The following MFHAS1 variants were observed in gnomAD, a reference collection of about 807,000 sequenced individuals.
MFHAS1 encodes the protein malignant fibrous histiocytoma-amplified sequence 1.
Under a neutral mutation model 70.4 loss-of-function variants are expected in MFHAS1, and 50 were observed. The observed-to-expected ratio is 0.71, with a 90% CI of 0.57 to 0.90. The LOEUF is 0.90. MFHAS1 is among the 40% of genes least tolerant of loss of function. MFHAS1 has a pLI of 0.00. For synonymous variants in MFHAS1, 952 were observed against 620.0 expected (o/e 1.54, Z -7.96); for missense variants, 1,795 against 1,347.6 (o/e 1.33, Z -5.20).
At chr8:8,826,229 C>G (rs1807154509) in intron 1 of MFHAS1, among the ~76,000 whole-genome samples, 1 of 146,660 alleles carries the variant, frequency 6.8e-6, no homozygotes, top group South Asian at 2.3e-4. Context: ...TCCAGAAATA[C>G]TGCATGCAAA....
At chr8:8,797,207 T>C (rs1390022627) in intron 2 of MFHAS1, among the ~76,000 whole-genome samples, 158 bp downstream of exon 2, 1 of 151,668 alleles carries the variant, frequency 6.6e-6, no homozygotes, top group Non-Finnish European at 1.5e-5. Flanking sequence ...TTTTGCTGCA[T>C]AAATCATGAT....
chr8:8,832,240 A>T (rs1397971172), intron 1 of MFHAS1, among the ~76,000 whole-genome samples: 3 of 152,074 alleles, frequency 2.0e-5, no homozygotes, highest in African/African-American at 7.2e-5. Context: ...GAAATGTTGA[A>T]CTCTTGCTCT....
At chr8:8,819,608 C>CAAAAAAA (rs201326485) in intron 1 of MFHAS1, among the ~76,000 whole-genome samples, 48 of 91,104 alleles carry the variant, frequency 5.3e-4, no homozygotes, top group African/African-American at 7.2e-4. Context: ...CAACTCAAAA[C>CAAAAAAA]AAAAAAAAAA....
intron 2 of MFHAS1, among the ~76,000 whole-genome samples, chr8:8,791,123 CCGTTT>C (rs1805705172): frequency 7.5e-6 from 1 of 132,534 alleles, no homozygotes; most frequent in African/African-American, 3.3e-5. Flanking sequence ...ACCACCCCAC[CCGTTT>C]TTTTTTTTTT....
Position 8,891,833 on chromosome 8 carries a change from C to CG in MFHAS1, c.1225dup (p.Arg409ProfsTer10). 1 of 1,612,928 alleles carries CG rather than the reference C, an allele frequency of 6.2e-7. No individual in the cohort carries two copies. The highest frequency in any genetic ancestry group is 1.1e-5 in the South Asian group (1 of 91,068). On this transcript the variant is annotated frameshift_variant, in exon 1 of 3. Transcript: ENST00000276282. LOFTEE classifies it high-confidence loss of function. This position sits in a 1 kb window ranked among gnomAD's most constrained non-coding sequence, Gnocchi z 5.4. Reference sequence around the variant, plus strand: ...ATGCCCCATCAGGAGCAGCTTGAGCCGGGGCTGCACCGCCGGCTGGGAATG... The same window carrying CG: ...ATGCCCCATCAGGAGCAGCTTGAGCCGGGGGCTGCACCGCCGGCTGGGAATG...
chr8:8,891,304 C>A lies in MFHAS1; in HGVS notation c.1755G>T (p.Glu585Asp). Residue 585 changes from glutamate (E) to aspartate (D), a missense_variant, in exon 1 of 3, where the codon GAG (glutamate) becomes GAT (aspartate). By Grantham distance (45) the Glu-to-Asp change is conservative. Transcript: ENST00000276282. The surrounding 1 kb of genome is among the most constrained non-coding windows in gnomAD (Gnocchi z 5.4). ...CTGCGTGGGGGCTGGCAGAGCGCAG[C>A]TCGAAGTCCCGGGCCAGTGCCTCGT... ...VVDEALARDF[E>D]LRSASPHAAY... 6.2e-7 allele frequency: 1 copy of A among 1,611,426 alleles called. No homozygotes were observed. The highest frequency in any genetic ancestry group is 8.5e-7 in the Non-Finnish European group (1 of 1,180,016).
chr8:8,854,619 A>G (rs1808365002), intron 1 of MFHAS1, among the ~76,000 whole-genome samples: 1 of 150,668 alleles, frequency 6.6e-6, no homozygotes. Flanking sequence ...TTGGAGGTGG[A>G]GGTTGCAGTG....
At chr8:8,804,760 T>C (rs553356020) in intron 1 of MFHAS1, among the ~76,000 whole-genome samples, 1 of 152,228 alleles carries the variant, frequency 6.6e-6, no homozygotes, top group Non-Finnish European at 1.5e-5. Flanking sequence ...ATTCTCCCAA[T>C]GAATAACGCC....
At chr8:8,801,002 T>G (rs1585022283) in intron 1 of MFHAS1, among the ~76,000 whole-genome samples, 1 of 151,738 alleles carries the variant, frequency 6.6e-6, no homozygotes, top group Admixed American at 6.6e-5. Context: ...GATCACAAGG[T>G]CCGGACATCG....
intron 1 of MFHAS1, among the ~76,000 whole-genome samples, chr8:8,841,705 GC>G (rs990442099): frequency 6.6e-6 from 1 of 152,114 alleles, no homozygotes; most frequent in African/African-American, 2.4e-5. Context: ...TAAGAAGCCA[GC>G]CCCTGGTTAT....
Position 8,797,433 on chromosome 8 carries a change from G to A in MFHAS1, c.3057C>T (p.Asn1019=). Residue 1019 remains asparagine (N), a synonymous_variant, in exon 2 of 3, where the codon AAC becomes AAT. Coordinates refer to ENST00000276282, the MANE Select transcript of MFHAS1 (RefSeq NM_004225.3). ...AGGCAACATTTACTCGCTCGCTGCC[G>A]TTCTTGGGGCAAATGATCTCTGCCA... ...EGVAEIICPK[N]GSERVNVALV... 4 of 1,614,122 alleles carry A rather than the reference G, an allele frequency of 2.5e-6. No homozygotes were observed. Among genetic ancestry groups the A allele is most frequent in the African/African-American group, 1.3e-5 (1 of 75,044 alleles).
At position 8,797,353 on chromosome 8, in the gene MFHAS1, T is replaced by C. The variant is rs1805941859; in HGVS notation, c.3125+12A>G. ...GCCAGGTCCCGGGGCCAGAGGGACTTTGAGAACTCACTTGGAACAGGGGCT... is the reference window on the plus strand; with the variant it reads ...GCCAGGTCCCGGGGCCAGAGGGACTCTGAGAACTCACTTGGAACAGGGGCT... On this transcript the variant is annotated intron_variant, in intron 2 of 2. Transcript: ENST00000276282. The C allele has an allele frequency of 6.2e-7, 1 of 1,613,098 alleles. No homozygotes were observed. Among genetic ancestry groups the C allele is most frequent in the African/African-American group, 1.3e-5 (1 of 74,974 alleles).
At chr8:8,802,648 G>A (rs1284383816) in intron 1 of MFHAS1, among the ~76,000 whole-genome samples, 1 of 152,218 alleles carries the variant, frequency 6.6e-6, no homozygotes, top group Non-Finnish European at 1.5e-5. Context: ...GCAGCTCCTT[G>A]CATGGTGGAG....
At chr8:8,842,559 G>T (rs1046164805) in intron 1 of MFHAS1, among the ~76,000 whole-genome samples, 1 of 152,090 alleles carries the variant, frequency 6.6e-6, no homozygotes, top group East Asian at 1.9e-4. Context: ...GACACAGGAC[G>T]CACGTGTAAA....
Position 8,829,888 on chromosome 8 carries a change from G to A in MFHAS1, c.2999-32397C>T, listed in dbSNP as rs566649654. On this transcript the variant is annotated intron_variant, in intron 1 of 2. Transcript: ENST00000276282. Reference sequence around the variant, plus strand: ...TGCCTCACGTGAGGTCACGTTCAGAGGTGCCCAGAGGCCAGATGGTCTGCT... The same window carrying A: ...TGCCTCACGTGAGGTCACGTTCAGAAGTGCCCAGAGGCCAGATGGTCTGCT... Among the ~76,000 whole-genome samples the A allele has an allele frequency of 9.8e-5, 15 of 152,288 alleles. No homozygotes were observed. The East Asian group carries it at 2.9e-3, about 29-fold the overall frequency.
chr8:8,844,847 G>T (rs920558841), intron 1 of MFHAS1, among the ~76,000 whole-genome samples: 3 of 152,154 alleles, frequency 2.0e-5, no homozygotes, highest in Non-Finnish European at 4.4e-5. Context: ...CATAACCACT[G>T]GCCAAATAAG....
intron 1 of MFHAS1, among the ~76,000 whole-genome samples, chr8:8,828,303 G>C (rs1212507370): frequency 2.6e-5 from 4 of 152,248 alleles, no homozygotes; most frequent in South Asian, 2.1e-4. Context: ...ATAGGATATA[G>C]TTTGAACTTA....
At chr8:8,851,578 T>C (rs1201635076) in intron 1 of MFHAS1, among the ~76,000 whole-genome samples, 1 of 152,198 alleles carries the variant, frequency 6.6e-6, no homozygotes. Flanking sequence ...TGTTTCCATA[T>C]ACTATTAAAA....
intron 1 of MFHAS1, among the ~76,000 whole-genome samples, chr8:8,859,473 C>T (rs192390532): frequency 1.7e-3 from 255 of 152,272 alleles, no homozygotes; most frequent in Middle Eastern, 0.01. Flanking sequence ...TTTAACAACA[C>T]GGGTGTGAAC....
Sources: gnomAD v4.1 joint callset for allele counts (sites outside exome capture counted in the v4.1 genomes callset) on GRCh38, gnomAD v4.1.1 for gene constraint, Gnocchi (gnomAD v3.1) non-coding constraint, MANE v1.5 for transcripts, NCBI Gene and HGNC (gene_info 2026-07-23, HGNC 2026-07-21) for gene names.